Variants in RYR1 observed in about 807,000 individuals in gnomAD.
RYR1 encodes ryanodine receptor 1.
A neutral mutation model predicts 583.5 loss-of-function variants in RYR1; 342 were observed. The observed-to-expected ratio is 0.59, with a 90% CI of 0.54 to 0.64. RYR1 has a LOEUF of 0.64. Ranked by LOEUF, RYR1 falls within the 30% of genes least tolerant of loss-of-function variation. The probability of loss-of-function intolerance (pLI) is 0.00; values close to 1 mark genes in which losing one functional copy is unlikely to be tolerated. For synonymous variants in RYR1, 2,791 were observed against 2,822.5 expected (o/e 0.99, Z 0.35); for missense variants, 6,032 against 6,917.2 (o/e 0.87, Z 4.54).
chr19:38,473,037 G>T, intron 27 of RYR1, among the ~76,000 whole-genome samples: 1 of 150,092 alleles, frequency 6.7e-6, no homozygotes. Context: ...AAAAAGCATT[G>T]AAGTTGAGCT....
chr19:38,521,885 TTTTTAGTAGA>T (rs1048398607), intron 67 of RYR1, among the ~76,000 whole-genome samples: 7 of 151,488 alleles, frequency 4.6e-5, no homozygotes, highest in African/African-American at 1.5e-4. Context: ...TTTTTTGTAT[TTTTTAGTAGA>T]GATGAGGTTT....
chr19:38,463,672 A>G, intron 21 of RYR1, 75 bp from the exon 22 acceptor site: 1 of 1,506,214 alleles, frequency 6.6e-7, no homozygotes, highest in Non-Finnish European at 9.2e-7. Flanking sequence ...GTTGGAGGTC[A>G]GGGGTCATAG....
chr19:38,473,070 G>T (rs1000041311), intron 27 of RYR1, among the ~76,000 whole-genome samples: 3 of 151,620 alleles, frequency 2.0e-5, no homozygotes, highest in African/African-American at 7.3e-5. Context: ...GTTACAGAAT[G>T]ACAGAGTAGA....
chr19:38,575,696 A>T (rs1461522656), intron 96 of RYR1, among the ~76,000 whole-genome samples: 2 of 151,924 alleles, frequency 1.3e-5, no homozygotes, highest in East Asian at 3.9e-4. Context: ...CCAGCTACTC[A>T]GGAGGCTGAG....
rs772793146 is a variant in RYR1, at chr19:38,486,151, C to T, written c.5496C>T (p.Gly1832=). Residue 1832 remains glycine, a synonymous_variant, in exon 34 of 106, where the codon GGC becomes GGT. Transcript: ENST00000359596. ...AGCACGCTCGCGACCCCGTCGGGGG[C>T]TCCGTGGAGTTCCAGTTTGTGCCTG... ...GGQHARDPVG[G]SVEFQFVPVL... 5 of 1,613,128 alleles carry T rather than the reference C, an allele frequency of 3.1e-6. No homozygotes were observed. The South Asian group carries it at 5.5e-5, about 18-fold the overall frequency.
Position 38,455,445 on chromosome 19 carries a change from C to A in RYR1, c.1577-6C>A, listed in dbSNP as rs61586345. The A allele has an allele frequency of 1.9e-6, 3 of 1,614,054 alleles. No individual in the cohort carries two copies. The highest frequency in any genetic ancestry group is 2.5e-6 in the Non-Finnish European group (3 of 1,180,052). Reference sequence around the variant, plus strand: ...CTATTGGATCTGACACCTCTTCCCCCCTCAGCTTCTCTAATCCGTGGCAAT... The same window carrying A: ...CTATTGGATCTGACACCTCTTCCCCACTCAGCTTCTCTAATCCGTGGCAAT... On this transcript the variant is annotated splice_region_variant and splice_polypyrimidine_tract_variant and intron_variant, in intron 14 of 105. Transcript: ENST00000359596.
At chr19:38,487,801 G>A (rs73030958) in intron 34 of RYR1, among the ~76,000 whole-genome samples, 14,623 of 152,030 alleles carry the variant, frequency 0.096, 1,191 homozygotes, top group African/African-American at 0.22. Flanking sequence ...GCCCAGGTAA[G>A]TTTTAAATTT....
intron 101 of RYR1, among the ~76,000 whole-genome samples, chr19:38,583,556 C>G (rs112763643): frequency 6.6e-6 from 1 of 152,088 alleles, no homozygotes; most frequent in East Asian, 1.9e-4. Flanking sequence ...CACTCAGACC[C>G]TTCTTGTGGC....
At chr19:38,511,515 C>T in intron 60 of RYR1, 46 bp from the exon 61 acceptor site, 1 of 1,608,424 alleles carries the variant, frequency 6.2e-7, no homozygotes, top group Non-Finnish European at 8.5e-7. Context: ...CCTTGGCCTC[C>T]TCACTCGCTG....
chr19:38,534,470 G>A (rs144856224), intron 78 of RYR1, among the ~76,000 whole-genome samples: 1 of 152,334 alleles, frequency 6.6e-6, no homozygotes, highest in Non-Finnish European at 1.5e-5. Context: ...TGGCCTGGAG[G>A]CCCATGGGCC....
chr19:38,471,385 C>T (rs1305092772), intron 27 of RYR1, among the ~76,000 whole-genome samples: 1 of 152,082 alleles, frequency 6.6e-6, no homozygotes, highest in East Asian at 1.9e-4. Flanking sequence ...ACAAAATTAT[C>T]TGGGCATGGT....
chr19:38,561,070 A>T lies in RYR1; in HGVS notation c.12283-43A>T. 9.2e-6 allele frequency: 13 copies of T among 1,411,352 alleles called. No homozygotes were observed. Among genetic ancestry groups the T allele is most frequent in the South Asian group, 1.2e-5 (1 of 85,858 alleles). 87.4% of individuals were successfully genotyped at this position (1,411,352 alleles called of 1,614,324 possible). A position where few individuals can be genotyped will look rare whatever the true frequency, so the allele number is the denominator to read the frequency against. On this transcript the variant is annotated intron_variant, in intron 89 of 105. Transcript: ENST00000359596. The surrounding 1 kb of genome is among the most constrained non-coding windows in gnomAD (Gnocchi z 4.8). ...AAAAAAAAAAAAAGAGAGAGAATTGAGGCTCTCCAGGTCACCCCACTGACC... is the reference window on the plus strand; with the variant it reads ...AAAAAAAAAAAAAGAGAGAGAATTGTGGCTCTCCAGGTCACCCCACTGACC...
chr19:38,436,108 C>T (rs1388886761), intron 1 of RYR1, among the ~76,000 whole-genome samples: 1 of 151,750 alleles, frequency 6.6e-6, no homozygotes, highest in African/African-American at 2.4e-5. Flanking sequence ...TGGGGTTTCA[C>T]CATGTTGGCC....
chr19:38,513,092 C>G (rs1048154332), intron 63 of RYR1, among the ~76,000 whole-genome samples: 1 of 152,008 alleles, frequency 6.6e-6, no homozygotes, highest in African/African-American at 2.4e-5. Context: ...AATCCCAGCA[C>G]TTTGGGAGGC....
Position 38,565,625 on chromosome 19 carries a change from CCGGGCGGTGCCGACGGGG to C in RYR1, c.13295_13312del (p.Gly4432_Ala4437del). 1 of 1,404,878 alleles carries C rather than the reference CCGGGCGGTGCCGACGGGG, an allele frequency of 7.1e-7. No individual in the cohort carries two copies. The highest frequency in any genetic ancestry group is 9.2e-7 in the Non-Finnish European group (1 of 1,089,976). 87.0% of individuals were successfully genotyped at this position (1,404,878 alleles called of 1,614,324 possible). ...GGAGGAGGCGGTGCACGAGGCCGGG[CCGGGCGGTGCCGACGGGG>C]CGGTGGCCGTGACCGATGGGGGCCC... On this transcript the variant is annotated inframe_deletion, in exon 91 of 106. Coordinates refer to ENST00000359596, the MANE Select transcript of RYR1 (RefSeq NM_000540.3). The surrounding 1 kb of genome is among the most constrained non-coding windows in gnomAD (Gnocchi z 4.7).
intron 28 of RYR1, among the ~76,000 whole-genome samples, chr19:38,474,066 C>T (rs1022225897): frequency 1.3e-5 from 2 of 152,150 alleles, no homozygotes; most frequent in South Asian, 2.1e-4. Flanking sequence ...CCTTATCATC[C>T]GTGGACACTA....
At chr19:38,452,687 C>A in intron 12 of RYR1, 132 bp from the exon 13 acceptor site, 1 of 792,912 alleles carries the variant, frequency 1.3e-6, no homozygotes, top group Non-Finnish European at 2.0e-6. Context: ...ATGCTTTTCC[C>A]TCTCTGCGTC....
At chr19:38,536,685 T>C (rs1971983763) in intron 82 of RYR1, 65 bp from the exon 83 acceptor site, 2 of 1,589,952 alleles carry the variant, frequency 1.3e-6, no homozygotes, top group Non-Finnish European at 1.7e-6. Flanking sequence ...GTGTTTGCGG[T>C]CTGTCTCCCT....
chr19:38,517,651 C>A lies in RYR1; in HGVS notation c.9978C>A (p.Asn3326Lys), dbSNP rs367543057. 7 of 1,614,216 alleles carry A rather than the reference C, an allele frequency of 4.3e-6. No individual in the cohort carries two copies. Among genetic ancestry groups the A allele is most frequent in the Non-Finnish European group, 5.1e-6 (6 of 1,180,042 alleles). Residue 3326 changes from asparagine (N) to lysine (K), a missense_variant, in exon 66 of 106, where the codon AAC becomes AAA. Asn to Lys is a moderately conservative substitution (Grantham distance 94). This residue lies in a region of RYR1 where 1,493 missense variants were observed against 1,715.5 expected (regional missense o/e 0.87). Transcript: ENST00000359596. The stretch of plus-strand genomic sequence containing the variant: ...ATATCCTGAGAATCATCGTCAACAA[C>A]CTGGGCATTGACGAGGCCTCCTGGA... ...LGNILRIIVNNLGIDEASWMK... is the reference protein window; with the variant it reads ...LGNILRIIVNKLGIDEASWMK...
Sources: allele counts gnomAD v4.1 joint callset (sites outside exome capture counted in the v4.1 genomes callset), GRCh38; gene constraint gnomAD v4.1.1; regional missense constraint gnomAD v4.1.1; non-coding constraint Gnocchi (gnomAD v3.1); transcripts MANE v1.5; gene names NCBI Gene and HGNC (gene_info 2026-07-23, HGNC 2026-07-21).